Variants in ATP8A1 observed in about 807,000 individuals in gnomAD.
ATP8A1 encodes the protein ATPase phospholipid transporting 8A1.
A neutral mutation model predicts 177.7 loss-of-function variants in ATP8A1; 90 were observed. That is an observed-to-expected ratio of 0.51 (90% CI 0.43 to 0.60). The LOEUF (loss-of-function observed/expected upper bound fraction) is 0.60. Among genes scored for constraint, ATP8A1 ranks in the 20% least tolerant of loss-of-function variants. The pLI, the probability that ATP8A1 is intolerant of heterozygous loss-of-function variation, is 0.00. For synonymous variants in ATP8A1, 493 were observed against 485.9 expected (o/e 1.01, Z -0.19); for missense variants, 1,072 against 1,392.8 (o/e 0.77, Z 3.67).
At position 42,603,032 on chromosome 4, in the gene ATP8A1, T is replaced by C. The variant is rs142785184; in HGVS notation, c.410-2514A>G. Among the ~76,000 whole-genome samples, 552 of 152,160 alleles carry C rather than the reference T, an allele frequency of 3.6e-3. 5 individuals carry two copies. Among genetic ancestry groups the C allele is most frequent in the Admixed American group, 8.0e-3 (123 of 15,292 alleles). ...TCCTTCGGATCCTATCTCATATTAG[T>C]AATTATCCCAATAGTAATACTTAGT... On this transcript the variant is annotated intron_variant, in intron 5 of 36. Coordinates refer to ENST00000381668, the MANE Select transcript of ATP8A1 (RefSeq NM_006095.2).
intron 23 of ATP8A1, 108 bp downstream of exon 23, chr4:42,506,908 C>G: frequency 7.6e-7 from 1 of 1,311,298 alleles, no homozygotes; most frequent in East Asian, 2.3e-5. Context: ...ATATTCCAAT[C>G]TTGACATATC....
In ATP8A1 at chr4:42,552,572, C is replaced by T. The variant is rs776970819; in HGVS notation, c.1452G>A (p.Met484Ile). Residue 484 changes from methionine (M) to isoleucine (I), a missense_variant, in exon 17 of 37, where the codon ATG (methionine) becomes ATA (isoleucine). Around this residue, in one of 5 missense-constraint regions of ATP8A1, gnomAD observed 388 missense variants for 471.7 expected, o/e 0.82. Transcript: ENST00000381668. ...APIICEFLTM[M>I]AVCHTAVPER... is the part of the protein sequence containing the mutation. ...CTGGCACTGCTGTGTGACAGACTGC[C>T]ATCATTGTAAGAAATTCACATATTA... 1.6e-5 allele frequency: 26 copies of T among 1,613,558 alleles called. No homozygotes were observed. Among genetic ancestry groups the T allele is most frequent in the South Asian group, 2.2e-5 (2 of 90,988 alleles).
chr4:42,436,270 T>A (rs1413020207), intron 33 of ATP8A1, among the ~76,000 whole-genome samples: 1 of 151,996 alleles, frequency 6.6e-6, no homozygotes, highest in Non-Finnish European at 1.5e-5. Context: ...ATTCCATTCA[T>A]CCTTGCATCC....
chr4:42,632,938 T>A (rs1260853696), intron 1 of ATP8A1, among the ~76,000 whole-genome samples: 1 of 152,208 alleles, frequency 6.6e-6, no homozygotes, highest in Non-Finnish European at 1.5e-5. Flanking sequence ...GAAATTAATA[T>A]CTGCTGAGCA....
rs983213943 is a variant in ATP8A1, at chr4:42,410,436, T to C, written c.*2480A>G. The C allele has an allele frequency of 2.6e-5, 4 of 152,228 alleles. No individual in the cohort carries two copies. Among genetic ancestry groups the C allele is most frequent in the African/African-American group, 9.6e-5 (4 of 41,456 alleles). 9.4% of individuals were successfully genotyped at this position (152,228 alleles called of 1,614,324 possible). On this transcript the variant is annotated 3_prime_UTR_variant, in exon 37 of 37. Coordinates refer to ENST00000381668, the MANE Select transcript of ATP8A1 (RefSeq NM_006095.2). ...ACATGTTAAAAGTCACATTGACTGT[T>C]TATTTCAATCCTGGTAAAACCATGT...
intron 7 of ATP8A1, among the ~76,000 whole-genome samples, chr4:42,590,364 G>C (rs1286306126): frequency 6.6e-6 from 1 of 152,122 alleles, no homozygotes; most frequent in Non-Finnish European, 1.5e-5. Context: ...GGATTTTACA[G>C]AACTTACAGA....
chr4:42,450,935 G>A (rs541354789), intron 30 of ATP8A1, among the ~76,000 whole-genome samples: 1 of 152,208 alleles, frequency 6.6e-6, no homozygotes, highest in Non-Finnish European at 1.5e-5. Context: ...TAGAGCCTAG[G>A]AGCAGTGGGG....
intron 16 of ATP8A1, among the ~76,000 whole-genome samples, chr4:42,552,956 A>C (rs1729658825): frequency 6.6e-6 from 1 of 152,260 alleles, no homozygotes; most frequent in African/African-American, 2.4e-5. Context: ...ATTGTACTCT[A>C]GCCAGGACAA....
intron 25 of ATP8A1, among the ~76,000 whole-genome samples, chr4:42,466,379 T>C (rs1486203493): frequency 6.6e-6 from 1 of 152,204 alleles, no homozygotes; most frequent in East Asian, 1.9e-4. Flanking sequence ...CGATACAACT[T>C]TGTCCATTTT....
intron 20 of ATP8A1, among the ~76,000 whole-genome samples, chr4:42,533,915 C>T (rs543268684): frequency 2.6e-5 from 4 of 152,000 alleles, no homozygotes; most frequent in Non-Finnish European, 5.9e-5. Flanking sequence ...AGATCAAGAA[C>T]GGAAATAACA....
Position 42,408,599 on chromosome 4 carries a change from T to G in ATP8A1, c.*4317A>C, listed in dbSNP as rs992029127. 1.3e-5 allele frequency: 2 copies of G among 152,220 alleles called. No homozygotes were observed. The highest frequency in any genetic ancestry group is 4.8e-5 in the African/African-American group (2 of 41,464). The allele number at this position is 152,220 out of a possible 1,614,324, so 9.4% of individuals were successfully genotyped here. On this transcript the variant is annotated 3_prime_UTR_variant, in exon 37 of 37. Transcript: ENST00000381668. ...CCACAGATTCAATACTCTCCACTCA[T>G]GCAGCTTCACAATTTCTACAGCAGT...
At chr4:42,483,342 A>G (rs1033013290) in intron 25 of ATP8A1, among the ~76,000 whole-genome samples, 20 of 150,034 alleles carry the variant, frequency 1.3e-4, no homozygotes, top group African/African-American at 4.9e-4. Context: ...GAAGGTAGTT[A>G]GAAGAAAAAA....
chr4:42,422,800 AT>A lies in ATP8A1; in HGVS notation c.3305+6del. ...TTGGAAAAGAATATATTCACTGTGT[AT>A]TTTACCTTTTTCCAAGTACAACTGC... On this transcript the variant is annotated splice_donor_region_variant and intron_variant, in intron 35 of 36. Coordinates refer to ENST00000381668, the MANE Select transcript of ATP8A1 (RefSeq NM_006095.2). The A allele has an allele frequency of 6.2e-7, 1 of 1,606,560 alleles. No homozygotes were observed. The highest frequency in any genetic ancestry group is 1.1e-5 in the South Asian group (1 of 90,730).
At chr4:42,498,116 G>A (rs1723467289) in intron 24 of ATP8A1, among the ~76,000 whole-genome samples, 4 of 152,174 alleles carry the variant, frequency 2.6e-5, no homozygotes, top group South Asian at 4.1e-4. Flanking sequence ...TATTTTCAAA[G>A]CAATACAAAA....
chr4:42,523,405 T>C (rs1726346740), intron 21 of ATP8A1, among the ~76,000 whole-genome samples: 1 of 152,130 alleles, frequency 6.6e-6, no homozygotes, highest in Admixed American at 6.5e-5. Flanking sequence ...ACAAAATGTG[T>C]TTAAGGGAAC....
At chr4:42,442,602 C>G (rs1004123090) in intron 33 of ATP8A1, among the ~76,000 whole-genome samples, 9 of 152,190 alleles carry the variant, frequency 5.9e-5, no homozygotes, top group Non-Finnish European at 1.0e-4. Context: ...ATGCCTCTCT[C>G]TAATAAATTT....
intron 14 of ATP8A1, among the ~76,000 whole-genome samples, chr4:42,571,492 C>T (rs1731904194): frequency 6.8e-6 from 1 of 147,484 alleles, no homozygotes; most frequent in Admixed American, 6.8e-5. Context: ...ACAAAGATGG[C>T]ACTTAGGACT....
intron 22 of ATP8A1, among the ~76,000 whole-genome samples, chr4:42,515,252 C>G (rs188320585): frequency 6.6e-6 from 1 of 152,102 alleles, no homozygotes; most frequent in African/African-American, 2.4e-5. Context: ...ACGAAATCAC[C>G]CATACATCAT....
intron 22 of ATP8A1, among the ~76,000 whole-genome samples, chr4:42,519,373 T>C (rs1410780689): frequency 6.6e-6 from 1 of 152,142 alleles, no homozygotes; most frequent in Non-Finnish European, 1.5e-5. Flanking sequence ...GGATTACAGG[T>C]GTGAGCCATC....
Sources: allele counts gnomAD v4.1 joint callset (sites outside exome capture counted in the v4.1 genomes callset), GRCh38; gene constraint gnomAD v4.1.1; regional missense constraint gnomAD v4.1.1; transcripts MANE v1.5; gene names NCBI Gene and HGNC (gene_info 2026-07-23, HGNC 2026-07-21).